The following PAK6 variants were observed in gnomAD, a reference collection of about 807,000 sequenced individuals.
PAK6 encodes p21 (RAC1) activated kinase 6, also known as serine/threonine-protein kinase PAK 6.
PAK6 carries 33 observed loss-of-function variants against 60.8 expected under a neutral mutation model. The observed-to-expected ratio is 0.54, with a 90% CI of 0.41 to 0.73. The LOEUF (loss-of-function observed/expected upper bound fraction) is 0.73, where lower values mean the gene tolerates loss of function less well. Among genes scored for constraint, PAK6 ranks in the 30% least tolerant of loss-of-function variants. The pLI is 0.00. For missense variants in PAK6, 845 were observed against 904.1 expected (o/e 0.93, Z 0.84); for synonymous variants, 404 against 378.5 (o/e 1.07, Z -0.78).
intron 2 of PAK6, chr15:40,252,953 G>A (rs2038728267): frequency 2.3e-6 from 2 of 868,378 alleles, no homozygotes; most frequent in Middle Eastern, 5.1e-4. Flanking sequence ...GCGCCGGGTC[G>A]GAGTGTGGCT....
intron 2 of PAK6, among the ~76,000 whole-genome samples, chr15:40,244,173 T>C (rs998687847): frequency 6.6e-5 from 10 of 151,710 alleles, no homozygotes; most frequent in African/African-American, 1.9e-4. Flanking sequence ...TACTAAAAAA[T>C]ACAAAAAATT....
Position 40,266,826 on chromosome 15 carries a change from C to T in PAK6, c.858+331C>T, listed in dbSNP as rs139732356. 641 of 274,584 alleles carry T rather than the reference C, an allele frequency of 2.3e-3. 3 individuals carry two copies. The highest frequency in any genetic ancestry group is 9.8e-3 in the African/African-American group (448 of 45,562). The allele number at this position is 274,584 out of a possible 1,614,324, so 17.0% of individuals were successfully genotyped here. A position where few individuals can be genotyped will look rare whatever the true frequency, so the allele number is the denominator to read the frequency against. On this transcript the variant is annotated intron_variant, in intron 5 of 10. Transcript: ENST00000560346. ...TTGTGGCATGTGTGACTGCTTCAGACGCACATTTTTCTTGTGAGAAAGGAA... is the reference window on the plus strand; with the variant it reads ...TTGTGGCATGTGTGACTGCTTCAGATGCACATTTTTCTTGTGAGAAAGGAA...
intron 5 of PAK6, among the ~76,000 whole-genome samples, chr15:40,270,106 A>G (rs963188592): frequency 6.6e-6 from 1 of 152,210 alleles, no homozygotes; most frequent in African/African-American, 2.4e-5. Flanking sequence ...CACTCAGGCC[A>G]GCAGGCAGCT....
At chr15:40,268,551 C>G (rs946332427) in intron 5 of PAK6, among the ~76,000 whole-genome samples, 11 of 152,220 alleles carry the variant, frequency 7.2e-5, no homozygotes, top group African/African-American at 2.7e-4. Context: ...GCCCTTGGCA[C>G]TGGGGCTGAC....
intron 7 of PAK6, 88 bp downstream of exon 7, chr15:40,273,087 G>A: frequency 6.6e-7 from 1 of 1,520,164 alleles, no homozygotes; most frequent in Non-Finnish European, 8.9e-7. Context: ...CTGTGGCCCA[G>A]AAGACTTGGG....
chr15:40,272,115 G>T, intron 5 of PAK6, 109 bp from the exon 6 acceptor site: 3 of 1,244,594 alleles, frequency 2.4e-6, no homozygotes, highest in Non-Finnish European at 3.4e-6. Flanking sequence ...CTGATACCCC[G>T]CCTGACCCTG....
In PAK6 at chr15:40,253,162, A is replaced by G. The variant is rs1219552800; in HGVS notation, c.-117-16A>G. On this transcript the variant is annotated splice_polypyrimidine_tract_variant and intron_variant, in intron 2 of 10. Coordinates refer to ENST00000560346, the Ensembl canonical transcript of PAK6. ...CTACATTTGCCATAATGCATTTCTG[A>G]TCTGTTTCCGCGCAGGCCTGCGGAG... is the stretch of plus-strand genomic sequence containing the variant. 2.2e-6 allele frequency: 1 copy of G among 454,924 alleles called. No homozygotes were observed. The highest frequency in any genetic ancestry group is 2.4e-5 in the Admixed American group (1 of 42,372). The allele number at this position is 454,924 out of a possible 1,614,324, so 28.2% of individuals were successfully genotyped here.
chr15:40,243,656 G>C (rs953118206), intron 2 of PAK6, among the ~76,000 whole-genome samples: 2 of 152,236 alleles, frequency 1.3e-5, no homozygotes, highest in African/African-American at 4.8e-5. Flanking sequence ...CCTCTGAGGA[G>C]AAACAAAAGC....
At chr15:40,272,805 G>A (rs2039347009) in intron 6 of PAK6, 61 bp from the exon 7 acceptor site, 3 of 1,593,956 alleles carry the variant, frequency 1.9e-6, no homozygotes, top group Admixed American at 3.4e-5. Context: ...GTGAGCAGGG[G>A]CAGTGGGTGG....
intron 2 of PAK6, among the ~76,000 whole-genome samples, chr15:40,248,349 G>T (rs539618657): frequency 6.6e-6 from 1 of 152,188 alleles, no homozygotes. Context: ...CTGGAGGAGA[G>T]GGGGAGGAAG....
chr15:40,260,834 GTTAGAT>G (rs539670364), intron 3 of PAK6, among the ~76,000 whole-genome samples: 289 of 151,652 alleles, frequency 1.9e-3, no homozygotes, highest in Non-Finnish European at 3.2e-3. Context: ...GTATTTTTTT[GTTAGAT>G]TTATTCTAGA....
At chr15:40,243,012 C>T (rs991027916) in intron 2 of PAK6, among the ~76,000 whole-genome samples, 2 of 152,140 alleles carry the variant, frequency 1.3e-5, no homozygotes, top group African/African-American at 4.8e-5. Flanking sequence ...GGGCCAACCG[C>T]GCCAGAAACA....
chr15:40,273,072 T>C, intron 7 of PAK6, 73 bp downstream of exon 7: 1 of 1,566,244 alleles, frequency 6.4e-7, no homozygotes, highest in Non-Finnish European at 8.7e-7. Context: ...AATGTGGTCT[T>C]CTGCCTGTGG....
At chr15:40,274,187 G>A (rs1161618135) in exon 10 of PAK6, 3 of 1,613,882 alleles carry the variant, frequency 1.9e-6, no homozygotes, top group Non-Finnish European at 2.5e-6. Context: ...GATGGTAGAT[G>A]GGGAGCCACC....
In PAK6 at chr15:40,256,326, G is replaced by A. The variant is rs142421519; in HGVS notation, c.-6+3037G>A. On this transcript the variant is annotated intron_variant, in intron 3 of 10. Transcript: ENST00000560346. The stretch of plus-strand genomic sequence containing the variant: ...TCCAGTGAAAGGCTGTCTTCTGTTC[G>A]CGGTAATTCTCAGCCAAGGGGTCAG... Among the ~76,000 whole-genome samples, 283 of 152,244 alleles carry A rather than the reference G, an allele frequency of 1.9e-3. 13 individuals carry two copies. The East Asian group carries it at 0.051, about 27-fold the overall frequency.
chr15:40,261,980 C>T (rs1448421930), intron 3 of PAK6, among the ~76,000 whole-genome samples: 1 of 151,996 alleles, frequency 6.6e-6, no homozygotes. Flanking sequence ...AGATGCTCTC[C>T]CTGTGCATCC....
rs79931057 is a variant in PAK6 at position 40,260,551 on chromosome 15, C to T, written c.-5-4230C>T. On this transcript the variant is annotated intron_variant, in intron 3 of 10. Coordinates refer to ENST00000560346, the Ensembl canonical transcript of PAK6. ...ATACTAAATTAATTATTGTAGCTTT[C>T]TAATAAATCTTAATATCTATTTAGT... Among the ~76,000 whole-genome samples, 479 of 152,310 alleles carry T rather than the reference C, an allele frequency of 3.1e-3. 2 individuals carry two copies. The highest frequency in any genetic ancestry group is 0.011 in the African/African-American group (470 of 41,554).
At chr15:40,265,923 A>G (rs1388022893) in exon 5 of PAK6, 1 of 1,598,372 alleles carries the variant, frequency 6.3e-7, no homozygotes. Flanking sequence ...GTCAGTCATC[A>G]GCTCCAACAC....
exon 11 of PAK6, chr15:40,275,986 A>G: frequency 6.2e-7 from 1 of 1,613,022 alleles, no homozygotes; most frequent in East Asian, 2.2e-5. Context: ...CCCAAGAGAG[A>G]GCCACAGCCC....
Sources: gnomAD v4.1 joint callset for allele counts (sites outside exome capture counted in the v4.1 genomes callset) on GRCh38, gnomAD v4.1.1 for gene constraint, MANE v1.5 for transcripts, NCBI Gene and HGNC (gene_info 2026-07-23, HGNC 2026-07-21) for gene names.